The following CNTN5 variants were observed in gnomAD, a reference collection of about 807,000 sequenced individuals.
CNTN5 encodes the protein contactin-5.
CNTN5 carries 77 observed loss-of-function variants against 129.1 expected under a neutral mutation model. The ratio of observed to expected loss-of-function variants is 0.60; its 90% confidence interval spans 0.50 to 0.72. The LOEUF (loss-of-function observed/expected upper bound fraction) is 0.72, where lower values mean the gene tolerates loss of function less well. Ranked by LOEUF, CNTN5 falls within the 30% of genes least tolerant of loss-of-function variation. The pLI, the probability that CNTN5 is intolerant of heterozygous loss-of-function variation, is 0.00. For missense variants in CNTN5, 1,478 were observed against 1,328.8 expected (o/e 1.11, Z -1.75); for synonymous variants, 509 against 465.6 (o/e 1.09, Z -1.20).
At chr11:99,462,584 G>GA (rs570693738) in intron 2 of CNTN5, among the ~76,000 whole-genome samples, 1 of 151,858 alleles carries the variant, frequency 6.6e-6, no homozygotes, top group Admixed American at 6.6e-5. Context: ...TCATCTTTTT[G>GA]AAAAACAAGA....
intron 1 of CNTN5, among the ~76,000 whole-genome samples, chr11:99,314,724 G>T (rs565036801): frequency 6.7e-6 from 1 of 150,220 alleles, no homozygotes; most frequent in Non-Finnish European, 1.5e-5. Flanking sequence ...AGGGAGAGGG[G>T]AATAAGGAAA....
At chr11:99,327,564 T>C (rs560648526) in intron 2 of CNTN5, among the ~76,000 whole-genome samples, 2 of 152,202 alleles carry the variant, frequency 1.3e-5, no homozygotes, top group Non-Finnish European at 2.9e-5. Flanking sequence ...TTCCAACTAA[T>C]TGAAAAGCAT....
chr11:100,116,384 G>C (rs573736026), intron 13 of CNTN5, among the ~76,000 whole-genome samples: 1 of 152,018 alleles, frequency 6.6e-6, no homozygotes, highest in African/African-American at 2.4e-5. Flanking sequence ...AAAACAACCT[G>C]TAGAGCATGG....
intron 1 of CNTN5, among the ~76,000 whole-genome samples, chr11:99,319,210 C>A (rs892832204): frequency 2.6e-5 from 4 of 152,138 alleles, no homozygotes; most frequent in Non-Finnish European, 4.4e-5. Context: ...AGTATGGAGT[C>A]TACTGTTATC....
At chr11:99,368,873 AAGAGTTT>A (rs1387724941) in intron 2 of CNTN5, among the ~76,000 whole-genome samples, 3 of 152,012 alleles carry the variant, frequency 2.0e-5, no homozygotes, top group Non-Finnish European at 4.4e-5. Context: ...AACAAAACGT[AAGAGTTT>A]CTAAGCAGTA....
chr11:99,951,268 T>TAA (rs35112318), intron 7 of CNTN5, among the ~76,000 whole-genome samples: 273 of 144,332 alleles, frequency 1.9e-3, no homozygotes, highest in African/African-American at 3.9e-3. Context: ...AAGAACTAGG[T>TAA]AAAAAAAAAA....
intron 3 of CNTN5, among the ~76,000 whole-genome samples, chr11:99,673,619 C>A (rs550991742): frequency 2.0e-5 from 3 of 152,064 alleles, no homozygotes; most frequent in Non-Finnish European, 2.9e-5. Flanking sequence ...CCTCTAAGCC[C>A]CAGTGTGTGT....
At chr11:99,667,787 C>T (rs886513838) in intron 3 of CNTN5, among the ~76,000 whole-genome samples, 1 of 151,968 alleles carries the variant, frequency 6.6e-6, no homozygotes. Context: ...CACACCAGGG[C>T]TTGTTAGCGG....
chr11:99,081,261 A>T (rs1362993512), intron 1 of CNTN5, among the ~76,000 whole-genome samples: 2 of 152,168 alleles, frequency 1.3e-5, no homozygotes. Flanking sequence ...CGATATGTTT[A>T]GTGCTTTTTA....
intron 2 of CNTN5, among the ~76,000 whole-genome samples, chr11:99,425,042 A>G (rs542521120): frequency 6.6e-6 from 1 of 152,278 alleles, no homozygotes; most frequent in South Asian, 2.1e-4. Context: ...GGTTATCCTG[A>G]TGAATGTCCA....
intron 3 of CNTN5, among the ~76,000 whole-genome samples, chr11:99,816,913 T>A (rs980498944): frequency 1.4e-4 from 21 of 152,132 alleles, no homozygotes; most frequent in Admixed American, 7.2e-4. Flanking sequence ...GTCTAGAGTA[T>A]CTTTCTTTCC....
intron 4 of CNTN5, among the ~76,000 whole-genome samples, chr11:99,840,802 A>T (rs909318236): frequency 4.6e-5 from 7 of 152,198 alleles, no homozygotes; most frequent in Non-Finnish European, 8.8e-5. Context: ...TTGAAGTGTT[A>T]TCTCCAACAA....
At chr11:99,445,357 A>G (rs1171325513) in intron 2 of CNTN5, among the ~76,000 whole-genome samples, 1 of 152,066 alleles carries the variant, frequency 6.6e-6, no homozygotes, top group Non-Finnish European at 1.5e-5. Context: ...TTCACTAGAA[A>G]CTTTTCAGAG....
chr11:99,729,704 G>T (rs992366071), intron 3 of CNTN5, among the ~76,000 whole-genome samples: 1 of 152,128 alleles, frequency 6.6e-6, no homozygotes, highest in African/African-American at 2.4e-5. Context: ...ACACACCATG[G>T]AATACTATGC....
At chr11:99,476,650 T>C (rs1053715709) in intron 2 of CNTN5, among the ~76,000 whole-genome samples, 1 of 152,072 alleles carries the variant, frequency 6.6e-6, no homozygotes, top group African/African-American at 2.4e-5. Flanking sequence ...CTTCAATGAG[T>C]GGTCAGATTG....
At chr11:99,353,687 A>T (rs966431648) in intron 2 of CNTN5, among the ~76,000 whole-genome samples, 1 of 152,202 alleles carries the variant, frequency 6.6e-6, no homozygotes, top group African/African-American at 2.4e-5. Flanking sequence ...GAGGATAGCC[A>T]GGACTACCAA....
intron 3 of CNTN5, among the ~76,000 whole-genome samples, chr11:99,763,957 T>C (rs558646384): frequency 6.6e-6 from 1 of 152,088 alleles, no homozygotes; most frequent in African/African-American, 2.4e-5. Flanking sequence ...GTTCACATAT[T>C]TTTAAAATGA....
At chr11:99,653,786 T>C (rs1952245387) in intron 3 of CNTN5, among the ~76,000 whole-genome samples, 2 of 152,142 alleles carry the variant, frequency 1.3e-5, no homozygotes, top group Admixed American at 6.6e-5. Flanking sequence ...ATCTTTGCTA[T>C]AGTCAGGTTT....
chr11:100,316,461 T>C (rs1185347082), intron 21 of CNTN5, among the ~76,000 whole-genome samples: 8 of 152,178 alleles, frequency 5.3e-5, no homozygotes, highest in Non-Finnish European at 7.4e-5. Flanking sequence ...TTCTCGTGTC[T>C]ATAATTACCC....
Sources: gnomAD v4.1 joint callset for allele counts (sites outside exome capture counted in the v4.1 genomes callset) on GRCh38, gnomAD v4.1.1 for gene constraint, MANE v1.5 for transcripts, NCBI Gene and HGNC (gene_info 2026-07-23, HGNC 2026-07-21) for gene names.